Variants in CRYBG1 observed in about 807,000 individuals in gnomAD.
The protein encoded by CRYBG1 is crystallin beta-gamma domain containing 1.
Under a neutral mutation model 189.2 loss-of-function variants are expected in CRYBG1, and 139 were observed. The observed-to-expected ratio is 0.73, with a 90% CI of 0.64 to 0.85. The LOEUF is 0.85. Ranked by LOEUF, CRYBG1 falls within the 40% of genes least tolerant of loss-of-function variation. CRYBG1 has a pLI of 0.00. For synonymous variants in CRYBG1, 1,023 were observed against 1,017.1 expected, an observed-to-expected ratio of 1.01 and a Z score of -0.11; for missense variants, 2,611 against 2,675.8, an observed-to-expected ratio of 0.98 and a Z score of 0.53.
In CRYBG1 at chr6:106,521,366, C is replaced by G; in HGVS notation, c.4158C>G (p.Asn1386Lys). 6.2e-7 allele frequency: 1 copy of G among 1,613,956 alleles called. No homozygotes were observed. The change falls in exon 4 of 22, where the codon AAC becomes AAG. Residue 1386 changes from asparagine to lysine, a missense_variant. By Grantham distance (94) the Asn-to-Lys change is moderately conservative. Coordinates refer to ENST00000633556, the MANE Select transcript of CRYBG1 (RefSeq NM_001371242.2). ...AATCAAACTTGCCAAACTGTGCAAA[C>G]AGTGACACCGACTTCATGGGTCTTT... Reference protein sequence around the residue: ...VIKSNLPNCANSDTDFMGLFK... With the variant: ...VIKSNLPNCAKSDTDFMGLFK...
intron 1 of CRYBG1, among the ~76,000 whole-genome samples, chr6:106,448,567 C>T (rs867040177): frequency 9.2e-5 from 14 of 152,190 alleles, no homozygotes; most frequent in South Asian, 2.1e-4. Flanking sequence ...GGGTTCAACA[C>T]GCTACAAGGC....
intron 2 of CRYBG1, among the ~76,000 whole-genome samples, chr6:106,459,990 CTAAGAA>C (rs1004910641): frequency 1.3e-4 from 20 of 152,242 alleles, no homozygotes; most frequent in African/African-American, 4.6e-4. Flanking sequence ...AGTTCTTCAA[CTAAGAA>C]TGAGTCTGAG....
At chr6:106,561,599 C>T in intron 20 of CRYBG1, 99 bp downstream of exon 20, 1 of 1,378,514 alleles carries the variant, frequency 7.3e-7, no homozygotes, top group African/African-American at 1.4e-5. Flanking sequence ...GATGCAATTT[C>T]ACAATTCCTG....
At chr6:106,420,437 A>G (rs1314476300) in intron 1 of CRYBG1, among the ~76,000 whole-genome samples, 1 of 152,272 alleles carries the variant, frequency 6.6e-6, no homozygotes, top group Non-Finnish European at 1.5e-5. Flanking sequence ...TGCATTTTAC[A>G]TAAGATAAAC....
chr6:106,364,768 A>G (rs1303248020), intron 1 of CRYBG1, among the ~76,000 whole-genome samples: 4 of 152,240 alleles, frequency 2.6e-5, no homozygotes, highest in African/African-American at 7.2e-5. Flanking sequence ...TGGATTCTCT[A>G]CTTGGATTTA....
At chr6:106,491,797 G>A (rs147348525) in intron 2 of CRYBG1, among the ~76,000 whole-genome samples, 73 of 152,074 alleles carry the variant, frequency 4.8e-4, no homozygotes, top group African/African-American at 1.4e-3. Flanking sequence ...TCGCCTCCCC[G>A]CTCAGAAACC....
intron 9 of CRYBG1, among the ~76,000 whole-genome samples, chr6:106,540,570 G>T (rs567458848): frequency 1.2e-4 from 19 of 152,150 alleles, no homozygotes; most frequent in Admixed American, 1.1e-3. Flanking sequence ...GGAGCAGTTT[G>T]TAATGATGAT....
intron 1 of CRYBG1, among the ~76,000 whole-genome samples, chr6:106,401,745 T>A (rs904371167): frequency 2.5e-5 from 3 of 121,558 alleles, no homozygotes; most frequent in Admixed American, 1.8e-4. Flanking sequence ...CTCATCATTT[T>A]TTATGGCTGC....
In CRYBG1 at chr6:106,553,517, T is replaced by C. The variant is rs1234426899; in HGVS notation, c.5535T>C (p.Ser1845=). The C allele has an allele frequency of 6.2e-7, 1 of 1,614,048 alleles. No individual in the cohort carries two copies. Among genetic ancestry groups the C allele is most frequent in the Middle Eastern group, 1.6e-4 (1 of 6,062 alleles). The change falls in exon 16 of 22, where the codon AGT becomes AGC. Residue 1845 remains serine (S), a synonymous_variant. Coordinates refer to ENST00000633556, the MANE Select transcript of CRYBG1 (RefSeq NM_001371242.2). Reference sequence around the variant, plus strand: ...GTCAAAGTTTTGAAGAAACAACAAGTCAAATTGATGATTCATTTTCTACCA... The same window carrying C: ...GTCAAAGTTTTGAAGAAACAACAAGCCAAATTGATGATTCATTTTCTACCA... ...GHSQSFEETT[S]QIDDSFSTKS... is the part of the protein sequence containing the mutation.
At chr6:106,425,411 T>G (rs546954717) in intron 1 of CRYBG1, among the ~76,000 whole-genome samples, 3 of 152,288 alleles carry the variant, frequency 2.0e-5, no homozygotes, top group Admixed American at 2.0e-4. Context: ...TTTATCCTAC[T>G]CCTTGACATT....
At chr6:106,425,117 C>T (rs753013067) in intron 1 of CRYBG1, among the ~76,000 whole-genome samples, 1 of 152,142 alleles carries the variant, frequency 6.6e-6, no homozygotes, top group African/African-American at 2.4e-5. Flanking sequence ...TTTCTTGCTC[C>T]TCCTGGCTCT....
At chr6:106,532,658 G>A (rs1773904210) in intron 8 of CRYBG1, among the ~76,000 whole-genome samples, 1 of 152,142 alleles carries the variant, frequency 6.6e-6, no homozygotes, top group African/African-American at 2.4e-5. Flanking sequence ...CTGATCTTGA[G>A]TGATGTTGAA....
intron 1 of CRYBG1, among the ~76,000 whole-genome samples, chr6:106,393,668 C>T (rs1488288796): frequency 7.1e-6 from 1 of 140,878 alleles, no homozygotes; most frequent in African/African-American, 2.6e-5. Flanking sequence ...TCTGTTTCTT[C>T]GTTTCCTCTT....
chr6:106,502,350 G>A (rs930316593), intron 2 of CRYBG1, among the ~76,000 whole-genome samples: 1 of 152,132 alleles, frequency 6.6e-6, no homozygotes, highest in Non-Finnish European at 1.5e-5. Flanking sequence ...TAATAAAAAG[G>A]AACTGATTTG....
chr6:106,509,773 G>A (rs1220478958), intron 2 of CRYBG1, among the ~76,000 whole-genome samples: 1 of 152,016 alleles, frequency 6.6e-6, no homozygotes, highest in African/African-American at 2.4e-5. Flanking sequence ...GGCAGGAGGC[G>A]ACTTGGATTT....
At chr6:106,540,682 C>T (rs1774107687) in intron 9 of CRYBG1, among the ~76,000 whole-genome samples, 1 of 150,710 alleles carries the variant, frequency 6.6e-6, no homozygotes. Context: ...CAGCCACATT[C>T]CTTTTTCCTT....
intron 2 of CRYBG1, among the ~76,000 whole-genome samples, chr6:106,452,262 A>C (rs1044719801): frequency 1.3e-3 from 174 of 129,746 alleles, no homozygotes; most frequent in Middle Eastern, 3.9e-3. Context: ...AAAAAAAAAA[A>C]AAACAAAAAA....
At chr6:106,370,993 C>T (rs1770014047) in intron 1 of CRYBG1, among the ~76,000 whole-genome samples, 1 of 152,106 alleles carries the variant, frequency 6.6e-6, no homozygotes, top group South Asian at 2.1e-4. Context: ...TAGTACCTCA[C>T]CTACTACCTA....
Position 106,460,158 on chromosome 6 carries a change from T to TTTTTTGTA in CRYBG1, c.312+8331_312+8332insGTATTTTT, listed in dbSNP as rs1319270940. ...CCCGCCACCACGCCCGGCTAATTTT[T>TTTTTTGTA]TTTTTTGTATTTTTAGTAGAGACGG... On this transcript the variant is annotated intron_variant, in intron 2 of 21. Coordinates refer to ENST00000633556, the MANE Select transcript of CRYBG1 (RefSeq NM_001371242.2). Among the ~76,000 whole-genome samples, 37 of 151,974 alleles carry TTTTTTGTA rather than the reference T, an allele frequency of 2.4e-4. No homozygotes were observed. The East Asian group carries it at 4.7e-3, about 19-fold the overall frequency.
Sources: allele counts gnomAD v4.1 joint callset (sites outside exome capture counted in the v4.1 genomes callset), GRCh38; gene constraint gnomAD v4.1.1; transcripts MANE v1.5; gene names NCBI Gene and HGNC (gene_info 2026-07-23, HGNC 2026-07-21).